The following RIMS2 variants were observed in gnomAD, a reference collection of about 807,000 sequenced individuals.
RIMS2 encodes regulating synaptic membrane exocytosis protein 2.
A neutral mutation model predicts 174.4 loss-of-function variants in RIMS2; 59 were observed. That is an observed-to-expected ratio of 0.34 (90% CI 0.27 to 0.42). The LOEUF (loss-of-function observed/expected upper bound fraction) is 0.42, where lower values mean the gene tolerates loss of function less well. Among genes scored for constraint, RIMS2 ranks in the 10% least tolerant of loss-of-function variants. The pLI is 1.00. For synonymous variants in RIMS2, 606 were observed against 572.5 expected, an observed-to-expected ratio of 1.06 and a Z score of -0.84; for missense variants, 1,620 against 1,666.3, an observed-to-expected ratio of 0.97 and a Z score of 0.48.
Position 103,667,548 on chromosome 8 carries a change from C to T in RIMS2, c.177-29538C>T, listed in dbSNP as rs191761145. Among the ~76,000 whole-genome samples the T allele has an allele frequency of 8.5e-5, 13 of 152,270 alleles. No individual in the cohort carries two copies. The East Asian group carries it at 1.5e-3, about 18-fold the overall frequency. ...CAAAGATATTAAAATTTCTTGAACA[C>T]GTTGTTTTTCATCTTTCATGTATCA... On this transcript the variant is annotated intron_variant, in intron 1 of 23. Transcript: ENST00000504942.
intron 19 of RIMS2, among the ~76,000 whole-genome samples, chr8:104,224,679 C>T (rs1306204349): frequency 2.0e-5 from 3 of 151,886 alleles, no homozygotes; most frequent in African/African-American, 7.3e-5. Context: ...TGCTTTTATC[C>T]CGAGAAAATC....
Position 104,060,480 on chromosome 8 carries a change from C to T in RIMS2, c.3334+45865C>T, listed in dbSNP as rs537431209. On this transcript the variant is annotated intron_variant, in intron 19 of 23. Transcript: ENST00000504942. ...TCTCTTTTCTTCTTTATTAGTCTTG[C>T]TAGCAGTCTATCAATTTTGTTGATC... Among the ~76,000 whole-genome samples the T allele has an allele frequency of 4.4e-3, 671 of 152,070 alleles. 4 individuals carry two copies. Among genetic ancestry groups the T allele is most frequent in the South Asian group, 0.021 (101 of 4,804 alleles).
chr8:103,826,650 G>T (rs1416195003), intron 3 of RIMS2, among the ~76,000 whole-genome samples: 1 of 149,916 alleles, frequency 6.7e-6, no homozygotes, highest in Admixed American at 6.7e-5. Flanking sequence ...TGTCCAATAG[G>T]TTATATAGTC....
chr8:104,094,018 A>C (rs2097710039), intron 19 of RIMS2, among the ~76,000 whole-genome samples: 2 of 152,014 alleles, frequency 1.3e-5, no homozygotes, highest in Non-Finnish European at 2.9e-5. Flanking sequence ...AAACATAAGA[A>C]TGTTACTTTT....
At chr8:103,756,977 GTC>G (rs1425168074) in intron 2 of RIMS2, among the ~76,000 whole-genome samples, 143 of 107,634 alleles carry the variant, frequency 1.3e-3, no homozygotes, top group African/African-American at 3.3e-3. Context: ...GTGTGTGTGT[GTC>G]TGTGTGTGTG....
chr8:103,507,364 A>G (rs1248045858), intron 1 of RIMS2, among the ~76,000 whole-genome samples: 1 of 152,110 alleles, frequency 6.6e-6, no homozygotes. Flanking sequence ...TAGATTATCA[A>G]CTCAAAGAGA....
At chr8:103,664,873 A>G (rs1462540541) in intron 1 of RIMS2, among the ~76,000 whole-genome samples, 1 of 152,204 alleles carries the variant, frequency 6.6e-6, no homozygotes, top group Non-Finnish European at 1.5e-5. Flanking sequence ...CTTGGAACCA[A>G]CCCAAATGTC....
At chr8:103,896,364 T>A (rs1184809740) in intron 4 of RIMS2, among the ~76,000 whole-genome samples, 1 of 151,650 alleles carries the variant, frequency 6.6e-6, no homozygotes, top group Non-Finnish European at 1.5e-5. Context: ...ACCCGTCCTG[T>A]GTATGTACTC....
intron 19 of RIMS2, among the ~76,000 whole-genome samples, chr8:104,203,260 G>A (rs947218289): frequency 1.3e-5 from 2 of 152,076 alleles, no homozygotes; most frequent in Admixed American, 1.3e-4. Flanking sequence ...TGTATTATGT[G>A]CAGAAAAGAA....
intron 19 of RIMS2, among the ~76,000 whole-genome samples, chr8:104,236,538 A>G (rs909791036): frequency 1.9e-4 from 29 of 152,062 alleles, no homozygotes; most frequent in African/African-American, 6.5e-4. Context: ...AGTATTGATA[A>G]CTTATTTTCT....
At chr8:104,183,810 A>T (rs1220524632) in intron 19 of RIMS2, among the ~76,000 whole-genome samples, 1 of 151,566 alleles carries the variant, frequency 6.6e-6, no homozygotes, top group African/African-American at 2.4e-5. Context: ...TATTTTTAAA[A>T]GTCTCGTTAA....
At chr8:103,645,125 C>T (rs1271895328) in intron 1 of RIMS2, among the ~76,000 whole-genome samples, 2 of 151,812 alleles carry the variant, frequency 1.3e-5, no homozygotes, top group Non-Finnish European at 2.9e-5. Flanking sequence ...AGATTTTTAT[C>T]TTTTTCTCAA....
At chr8:104,081,731 AT>A (rs2097424149) in intron 19 of RIMS2, among the ~76,000 whole-genome samples, 1 of 152,070 alleles carries the variant, frequency 6.6e-6, no homozygotes, top group African/African-American at 2.4e-5. Flanking sequence ...TCACTTCTCT[AT>A]TTCTCAATTT....
intron 1 of RIMS2, among the ~76,000 whole-genome samples, chr8:103,584,435 C>A (rs1009751256): frequency 1.6e-5 from 1 of 62,674 alleles, no homozygotes; most frequent in Non-Finnish European, 3.1e-5. Context: ...CACAGAAAAA[C>A]ACAGATTTTT....
intron 4 of RIMS2, among the ~76,000 whole-genome samples, chr8:103,901,741 A>T (rs1007541184): frequency 3.3e-5 from 5 of 152,152 alleles, no homozygotes; most frequent in African/African-American, 7.2e-5. Flanking sequence ...GCAAGATTTT[A>T]AAAAATAAGC....
At chr8:103,723,365 A>G (rs969962400) in intron 2 of RIMS2, among the ~76,000 whole-genome samples, 26 of 152,326 alleles carry the variant, frequency 1.7e-4, no homozygotes, top group African/African-American at 5.5e-4. Context: ...CAGCAGGGAA[A>G]GCCCTTTACC....
chr8:104,101,089 A>AC (rs2097887131), intron 19 of RIMS2, among the ~76,000 whole-genome samples: 4 of 138,296 alleles, frequency 2.9e-5, no homozygotes, highest in African/African-American at 1.1e-4. Flanking sequence ...TTATATATGT[A>AC]ATATATAATA....
chr8:103,981,715 A>C (rs2093919145), intron 16 of RIMS2, among the ~76,000 whole-genome samples: 1 of 152,142 alleles, frequency 6.6e-6, no homozygotes, highest in Non-Finnish European at 1.5e-5. Context: ...TCAAGTGGAT[A>C]TTCTAGTGTT....
At chr8:103,536,140 T>C (rs948039313) in intron 1 of RIMS2, among the ~76,000 whole-genome samples, 9 of 152,190 alleles carry the variant, frequency 5.9e-5, no homozygotes, top group African/African-American at 2.2e-4. Flanking sequence ...TTCAGACTTA[T>C]TTTCTGGGAA....
Sources: gnomAD v4.1 joint callset for allele counts (sites outside exome capture counted in the v4.1 genomes callset) on GRCh38, gnomAD v4.1.1 for gene constraint, MANE v1.5 for transcripts, NCBI Gene and HGNC (gene_info 2026-07-23, HGNC 2026-07-21) for gene names.